FUT8: variants seen among roughly 807,000 people sequenced by gnomAD.
FUT8 encodes the protein fucosyltransferase 8, also known as alpha-(1,6)-fucosyltransferase.
A neutral mutation model predicts 71.3 loss-of-function variants in FUT8; 29 were observed. That is an observed-to-expected ratio of 0.41 (90% CI 0.30 to 0.55). FUT8 has a LOEUF of 0.55. Ranked by LOEUF, FUT8 falls within the 20% of genes least tolerant of loss-of-function variation. The pLI is 0.34. For synonymous variants in FUT8, 254 were observed against 239.3 expected (o/e 1.06, Z -0.57); for missense variants, 544 against 702.1 (o/e 0.77, Z 2.55).
At chr14:65,739,286 T>C (rs1896376699) in intron 10 of FUT8, among the ~76,000 whole-genome samples, 1 of 152,074 alleles carries the variant, frequency 6.6e-6, no homozygotes. Flanking sequence ...AGCACTGGTA[T>C]GCTTGCAGAG....
intron 3 of FUT8, among the ~76,000 whole-genome samples, chr14:65,570,715 A>G (rs1026385570): frequency 1.9e-4 from 29 of 152,102 alleles, no homozygotes; most frequent in Admixed American, 1.2e-3. Context: ...AAGGAAAGGA[A>G]GAGTTTAAGT....
At chr14:65,415,070 G>A (rs2065199261) in intron 1 of FUT8, among the ~76,000 whole-genome samples, 1 of 152,012 alleles carries the variant, frequency 6.6e-6, no homozygotes, top group African/African-American at 2.4e-5. Flanking sequence ...TTATTTTTAC[G>A]CAATTGGAGT....
chr14:65,474,779 A>G (rs2066209570), intron 2 of FUT8, among the ~76,000 whole-genome samples: 1 of 152,146 alleles, frequency 6.6e-6, no homozygotes, highest in South Asian at 2.1e-4. Flanking sequence ...AGAAAATACT[A>G]CACAGTTCAT....
chr14:65,458,734 T>G (rs896796775), intron 2 of FUT8, among the ~76,000 whole-genome samples: 11 of 152,102 alleles, frequency 7.2e-5, no homozygotes, highest in Non-Finnish European at 2.9e-5. Context: ...CTGTATTGTG[T>G]TCTCAGAAAA....
At chr14:65,491,456 T>C (rs192412829) in intron 2 of FUT8, among the ~76,000 whole-genome samples, 2 of 152,248 alleles carry the variant, frequency 1.3e-5, no homozygotes, top group Admixed American at 6.5e-5. Context: ...GGTCCTTTTC[T>C]CATGTGAGTC....
intron 6 of FUT8, among the ~76,000 whole-genome samples, chr14:65,647,558 G>A (rs901426780): frequency 9.9e-5 from 15 of 152,154 alleles, no homozygotes; most frequent in African/African-American, 3.1e-4. Context: ...ATAATCAGAG[G>A]TATGGGTAGA....
the FUT8 span, among the ~76,000 whole-genome samples, chr14:65,396,080 A>G: frequency 6.6e-6 from 1 of 152,150 alleles, no homozygotes; most frequent in Non-Finnish European, 1.5e-5. The surrounding 1 kb of genome is among the most constrained non-coding windows in gnomAD (Gnocchi z 5.5). Flanking sequence ...TCTCCATCTG[A>G]GACCACCTCA....
In FUT8 at chr14:65,669,765, C is replaced by G. The variant is rs919895033; in HGVS notation, c.835+285C>G. 6.6e-6 allele frequency among the ~76,000 whole-genome samples: 1 copy of G among 151,986 alleles called. No individual in the cohort carries two copies. Among genetic ancestry groups the G allele is most frequent in the Non-Finnish European group, 1.5e-5 (1 of 68,000 alleles). On this transcript the variant is annotated intron_variant, in intron 7 of 10. Coordinates refer to ENST00000673929, the MANE Select transcript of FUT8 (RefSeq NM_001371533.1). The surrounding 1 kb of genome is among the most constrained non-coding windows in gnomAD (Gnocchi z 4.5). ...TAATAATAATGATATGACTTTCACTCTATAAGATGATTTCACATTATTGAA... is the reference window on the plus strand; with the variant it reads ...TAATAATAATGATATGACTTTCACTGTATAAGATGATTTCACATTATTGAA...
chr14:65,461,357 A>G (rs542290912), intron 2 of FUT8, among the ~76,000 whole-genome samples: 13 of 152,302 alleles, frequency 8.5e-5, no homozygotes, highest in African/African-American at 2.9e-4. Flanking sequence ...CATTATATCA[A>G]CTTGATTATA....
intron 2 of FUT8, among the ~76,000 whole-genome samples, chr14:65,469,552 T>C (rs2066104154): frequency 1.3e-5 from 2 of 152,188 alleles, no homozygotes; most frequent in South Asian, 2.1e-4. Flanking sequence ...GAATTATGTA[T>C]GCAGACAAGT....
intron 7 of FUT8, among the ~76,000 whole-genome samples, chr14:65,715,976 A>G (rs906145786): frequency 4.0e-5 from 6 of 148,534 alleles, no homozygotes; most frequent in African/African-American, 9.9e-5. Flanking sequence ...CCCTCTCTCA[A>G]AAAAAAAAAA....
At chr14:65,728,279 A>T (rs1895787198) in intron 9 of FUT8, among the ~76,000 whole-genome samples, 1 of 152,240 alleles carries the variant, frequency 6.6e-6, no homozygotes, top group African/African-American at 2.4e-5. Flanking sequence ...GCTAATAAAG[A>T]CATACTCAGG....
At chr14:65,621,973 G>A (rs1889639869) in intron 5 of FUT8, among the ~76,000 whole-genome samples, 1 of 151,752 alleles carries the variant, frequency 6.6e-6, no homozygotes, top group African/African-American at 2.4e-5. Flanking sequence ...ACAGGCACAC[G>A]CCACCATGCC....
intron 7 of FUT8, among the ~76,000 whole-genome samples, chr14:65,693,437 A>T (rs181623265): frequency 1.3e-5 from 2 of 152,358 alleles, no homozygotes; most frequent in African/African-American, 4.8e-5. Flanking sequence ...GGGAGGTTGC[A>T]GTGAGCCGAG....
intron 2 of FUT8, among the ~76,000 whole-genome samples, chr14:65,468,725 T>G (rs1406660944): frequency 2.0e-5 from 3 of 152,148 alleles, no homozygotes; most frequent in African/African-American, 7.2e-5. Flanking sequence ...AAGACATTCT[T>G]TCCTGTTACA....
At chr14:65,705,352 A>G (rs2140496946) in intron 7 of FUT8, among the ~76,000 whole-genome samples, 1 of 152,318 alleles carries the variant, frequency 6.6e-6, no homozygotes, top group South Asian at 2.1e-4. Context: ...AAATGAGGAT[A>G]TAAATATTTA....
At chr14:65,624,985 G>T (rs757233815) in intron 5 of FUT8, among the ~76,000 whole-genome samples, 1 of 152,144 alleles carries the variant, frequency 6.6e-6, no homozygotes, top group East Asian at 1.9e-4. Flanking sequence ...AGAATCACTT[G>T]AACCTGGGAG....
At chr14:65,688,653 A>G (rs973278872) in intron 7 of FUT8, among the ~76,000 whole-genome samples, 11 of 152,090 alleles carry the variant, frequency 7.2e-5, no homozygotes, top group Non-Finnish European at 1.5e-4. Flanking sequence ...GCAATTTTGA[A>G]TAAATCTAAT....
chr14:65,548,636 G>C (rs1885110121), intron 2 of FUT8, among the ~76,000 whole-genome samples: 1 of 151,862 alleles, frequency 6.6e-6, no homozygotes, highest in South Asian at 2.1e-4. Flanking sequence ...GAACCCATAG[G>C]AGAAAATATA....
Sources: gnomAD v4.1 joint callset for allele counts (sites outside exome capture counted in the v4.1 genomes callset) on GRCh38, gnomAD v4.1.1 for gene constraint, Gnocchi (gnomAD v3.1) non-coding constraint, MANE v1.5 for transcripts, NCBI Gene and HGNC (gene_info 2026-07-23, HGNC 2026-07-21) for gene names.